The following AGBL4 variants were observed in gnomAD, a reference collection of about 807,000 sequenced individuals.
AGBL4 encodes AGBL carboxypeptidase 4.
A neutral mutation model predicts 66.4 loss-of-function variants in AGBL4; 58 were observed. The ratio of observed to expected loss-of-function variants is 0.87; its 90% CI spans 0.71 to 1.09. AGBL4 has a LOEUF of 1.09. Among genes scored for constraint, AGBL4 ranks in the 50% least tolerant of loss-of-function variants. The pLI is 0.00. For missense variants in AGBL4, 579 were observed against 631.0 expected (o/e 0.92, Z 0.88); for synonymous variants, 234 against 222.9 (o/e 1.05, Z -0.44).
intron 12 of AGBL4, among the ~76,000 whole-genome samples, chr1:48,539,347 C>A (rs946528844): frequency 6.6e-6 from 1 of 152,166 alleles, no homozygotes; most frequent in African/African-American, 2.4e-5. Context: ...CATAGAAACA[C>A]CCAAATTTAG....
At chr1:48,834,146 C>A (rs549223759) in intron 6 of AGBL4, among the ~76,000 whole-genome samples, 14 of 152,286 alleles carry the variant, frequency 9.2e-5, no homozygotes, top group African/African-American at 3.1e-4. Flanking sequence ...TATGACTACC[C>A]TAGCACTGTA....
chr1:48,630,152 G>A (rs762583005), intron 9 of AGBL4, among the ~76,000 whole-genome samples: 1 of 152,154 alleles, frequency 6.6e-6, no homozygotes, highest in African/African-American at 2.4e-5. Context: ...TCAGATCAAC[G>A]GTAGTCCTCT....
chr1:49,370,725 A>G (rs1007720309), intron 3 of AGBL4, among the ~76,000 whole-genome samples: 6 of 152,196 alleles, frequency 3.9e-5, no homozygotes, highest in Non-Finnish European at 7.3e-5. Context: ...ATTTTACCTA[A>G]CAGTATCATT....
chr1:48,838,266 A>C lies in AGBL4; in HGVS notation c.634+28925T>G, dbSNP rs1646727587. On this transcript the variant is annotated intron_variant, in intron 6 of 13. Coordinates refer to ENST00000371839, the MANE Select transcript of AGBL4 (RefSeq NM_032785.4). ...TGAGCAAAAGCACAAAGCTGGAGGCATCACATTACCTGACATCAAAGTATA... is the reference window on the plus strand; with the variant it reads ...TGAGCAAAAGCACAAAGCTGGAGGCCTCACATTACCTGACATCAAAGTATA... Among the ~76,000 whole-genome samples the C allele has an allele frequency of 2.0e-5, 3 of 152,288 alleles. No individual in the cohort carries two copies. The South Asian group carries it at 6.2e-4, about 32-fold the overall frequency.
intron 3 of AGBL4, among the ~76,000 whole-genome samples, chr1:49,577,964 C>T (rs1051681219): frequency 2.0e-5 from 3 of 152,146 alleles, no homozygotes; most frequent in African/African-American, 7.2e-5. Context: ...ATGGAAGTGG[C>T]ACCACTCACC....
chr1:49,761,519 C>CT (rs1652314993), intron 2 of AGBL4, among the ~76,000 whole-genome samples: 2 of 152,182 alleles, frequency 1.3e-5, no homozygotes, highest in Non-Finnish European at 2.9e-5. Context: ...AGTCTCTTCC[C>CT]TTTTTGGCAT....
intron 2 of AGBL4, among the ~76,000 whole-genome samples, chr1:49,734,538 A>C (rs987230104): frequency 6.6e-6 from 1 of 152,122 alleles, no homozygotes; most frequent in Non-Finnish European, 1.5e-5. Context: ...AGAAAAATTC[A>C]ATTCATAACA....
chr1:49,521,159 C>T (rs1332453219), intron 3 of AGBL4, among the ~76,000 whole-genome samples: 1 of 151,970 alleles, frequency 6.6e-6, no homozygotes, highest in Non-Finnish European at 1.5e-5. Flanking sequence ...AGTACATTTA[C>T]AATTGCCATC....
intron 3 of AGBL4, among the ~76,000 whole-genome samples, chr1:49,327,825 G>A (rs1645255704): frequency 6.6e-6 from 1 of 152,148 alleles, no homozygotes; most frequent in East Asian, 1.9e-4. Context: ...AATAAACAGT[G>A]GTTAAAACTG....
At chr1:48,984,869 T>C (rs115970656) in intron 5 of AGBL4, among the ~76,000 whole-genome samples, 1,941 of 151,612 alleles carry the variant, frequency 0.013, 41 homozygotes, top group African/African-American at 0.045. Flanking sequence ...GCTGAGGAAA[T>C]GTAGAAATGT....
intron 3 of AGBL4, among the ~76,000 whole-genome samples, chr1:49,315,868 T>C (rs369261965): frequency 6.6e-6 from 1 of 152,094 alleles, no homozygotes; most frequent in East Asian, 1.9e-4. Flanking sequence ...CAAGATGTCC[T>C]TCAATAGAGT....
chr1:49,553,447 CAAT>C (rs1250982944), intron 3 of AGBL4, among the ~76,000 whole-genome samples: 1 of 152,150 alleles, frequency 6.6e-6, no homozygotes, highest in African/African-American at 2.4e-5. Context: ...GAAAAAACTA[CAAT>C]GATAGCTCAA....
chr1:49,730,136 C>T (rs1021211311), intron 2 of AGBL4, among the ~76,000 whole-genome samples: 1 of 152,174 alleles, frequency 6.6e-6, no homozygotes, highest in African/African-American at 2.4e-5. Context: ...TGGGCCTCCT[C>T]TCACACAGTG....
intron 2 of AGBL4, among the ~76,000 whole-genome samples, chr1:49,803,809 CTA>C (rs1156916040): frequency 5.3e-5 from 8 of 152,134 alleles, no homozygotes; most frequent in Non-Finnish European, 1.2e-4. Context: ...TATAATTGTA[CTA>C]TCTTAATAAA....
chr1:49,226,741 A>G (rs1457603086), intron 4 of AGBL4, among the ~76,000 whole-genome samples: 1 of 152,032 alleles, frequency 6.6e-6, no homozygotes, highest in Non-Finnish European at 1.5e-5. Context: ...TTTCCCAATC[A>G]CTAGGTCCTT....
chr1:48,660,124 A>G (rs1479062150), intron 7 of AGBL4, among the ~76,000 whole-genome samples: 29 of 152,226 alleles, frequency 1.9e-4, no homozygotes, highest in Admixed American at 1.8e-3. Flanking sequence ...TCACTGGAGA[A>G]CAGGATAGTT....
chr1:49,523,028 C>T (rs1277852098), intron 3 of AGBL4, among the ~76,000 whole-genome samples: 1 of 152,020 alleles, frequency 6.6e-6, no homozygotes, highest in East Asian at 1.9e-4. Flanking sequence ...CAGCACAGGA[C>T]TCTTGCTGTT....
intron 9 of AGBL4, among the ~76,000 whole-genome samples, chr1:48,609,590 T>G (rs891811457): frequency 6.6e-6 from 1 of 151,868 alleles, no homozygotes; most frequent in Non-Finnish European, 1.5e-5. Flanking sequence ...ACCCAGATAA[T>G]TTTTGTATTT....
At chr1:49,792,079 C>T (rs1469442681) in intron 2 of AGBL4, among the ~76,000 whole-genome samples, 1 of 152,048 alleles carries the variant, frequency 6.6e-6, no homozygotes, top group Non-Finnish European at 1.5e-5. Context: ...GCATGCCCAG[C>T]AGCATCACGG....
Sources: allele counts gnomAD v4.1 joint callset (sites outside exome capture counted in the v4.1 genomes callset), GRCh38; gene constraint gnomAD v4.1.1; transcripts MANE v1.5; gene names NCBI Gene and HGNC (gene_info 2026-07-23, HGNC 2026-07-21).